Variants in GRID1 observed in about 807,000 individuals in gnomAD.
GRID1 encodes glutamate ionotropic receptor delta type subunit 1.
GRID1 carries 28 observed loss-of-function variants against 98.0 expected under a neutral mutation model. The observed-to-expected ratio is 0.29, with a 90% CI of 0.21 to 0.39. The LOEUF is 0.39. Among genes scored for constraint, GRID1 ranks in the 10% least tolerant of loss-of-function variants. GRID1 has a pLI of 1.00. For missense variants in GRID1, 1,111 were observed against 1,340.5 expected, an observed-to-expected ratio of 0.83 and a Z score of 2.67; for synonymous variants, 553 against 538.5, an observed-to-expected ratio of 1.03 and a Z score of -0.37.
intron 4 of GRID1, among the ~76,000 whole-genome samples, chr10:86,101,260 C>T (rs574430295): frequency 4.6e-5 from 7 of 152,166 alleles, no homozygotes; most frequent in African/African-American, 1.7e-4. Context: ...ATTTATCACC[C>T]TAACTAGGAC....
At position 85,756,375 on chromosome 10, in the gene GRID1, A is replaced by G. The variant is rs1842098719; in HGVS notation, c.1234-26761T>C. Reference sequence around the variant, plus strand: ...TTTCACCTTTTCACTTAAAGGAAGCACTTTATGGCCTCTCTGTGGCATATC... The same window carrying G: ...TTTCACCTTTTCACTTAAAGGAAGCGCTTTATGGCCTCTCTGTGGCATATC... On this transcript the variant is annotated intron_variant, in intron 8 of 15. Transcript: ENST00000327946. Among the ~76,000 whole-genome samples, 4 of 152,276 alleles carry G rather than the reference A, an allele frequency of 2.6e-5. No individual in the cohort carries two copies. The South Asian group carries it at 8.3e-4, about 32-fold the overall frequency.
chr10:85,802,385 T>C (rs1022487587), intron 8 of GRID1, among the ~76,000 whole-genome samples: 1 of 151,982 alleles, frequency 6.6e-6, no homozygotes, highest in Non-Finnish European at 1.5e-5. Flanking sequence ...CAACTGACCA[T>C]CACAATAAAA....
chr10:85,813,458 C>A (rs561988358), intron 8 of GRID1, among the ~76,000 whole-genome samples: 3 of 139,652 alleles, frequency 2.1e-5, no homozygotes, highest in Non-Finnish European at 1.6e-5. Flanking sequence ...AAATGTGAAA[C>A]GCTGAAAAAA....
At chr10:85,917,725 T>C (rs913263097) in intron 4 of GRID1, among the ~76,000 whole-genome samples, 1 of 152,238 alleles carries the variant, frequency 6.6e-6, no homozygotes, top group African/African-American at 2.4e-5. Context: ...TCTCTTGCAC[T>C]GGAAAGAAAA....
At chr10:86,173,067 A>C (rs1235362510) in intron 3 of GRID1, among the ~76,000 whole-genome samples, 1 of 152,192 alleles carries the variant, frequency 6.6e-6, no homozygotes, top group Non-Finnish European at 1.5e-5. Context: ...TAACAGACAG[A>C]ATATCTGTCA....
intron 12 of GRID1, among the ~76,000 whole-genome samples, chr10:85,706,136 A>C (rs1054753159): frequency 2.0e-5 from 3 of 152,290 alleles, no homozygotes; most frequent in Admixed American, 2.0e-4. Flanking sequence ...AGAAAGAAAT[A>C]AAGGGTATTA....
At chr10:85,724,753 C>G in intron 10 of GRID1, 77 bp from the exon 11 acceptor site, 1 of 1,210,558 alleles carries the variant, frequency 8.3e-7, no homozygotes, top group East Asian at 2.4e-5. Flanking sequence ...AAGGTCCACC[C>G]TCTGTCCTTT....
chr10:85,966,076 T>G (rs1317876821), intron 4 of GRID1, among the ~76,000 whole-genome samples: 1 of 152,208 alleles, frequency 6.6e-6, no homozygotes, highest in African/African-American at 2.4e-5. Context: ...TTGTCACAAT[T>G]TGACGTGTTT....
chr10:86,334,130 C>G (rs1848191290), intron 2 of GRID1, among the ~76,000 whole-genome samples: 1 of 152,112 alleles, frequency 6.6e-6, no homozygotes, highest in Admixed American at 6.5e-5. Flanking sequence ...GCCTATCCAT[C>G]TGCTTGACTA....
At chr10:85,771,962 C>T (rs1340560380) in intron 8 of GRID1, among the ~76,000 whole-genome samples, 2 of 152,112 alleles carry the variant, frequency 1.3e-5, no homozygotes, top group East Asian at 3.9e-4. Context: ...TAGCTCTGCA[C>T]CAAGTGGACC....
intron 5 of GRID1, among the ~76,000 whole-genome samples, chr10:85,899,620 A>G (rs183536543): frequency 1.6e-3 from 238 of 152,282 alleles, no homozygotes; most frequent in African/African-American, 5.6e-3. Flanking sequence ...TAAAGCATCC[A>G]AAGCAGGGCC....
intron 4 of GRID1, among the ~76,000 whole-genome samples, chr10:85,968,275 C>A (rs895280523): frequency 4.4e-3 from 1 of 226 alleles, no homozygotes; most frequent in African/African-American, 7.1e-3. Context: ...ATGGTGAAAC[C>A]CCCGTCTCTA....
intron 4 of GRID1, among the ~76,000 whole-genome samples, chr10:86,001,749 G>T (rs1295598447): frequency 6.6e-6 from 1 of 152,190 alleles, no homozygotes; most frequent in Non-Finnish European, 1.5e-5. Flanking sequence ...CTGAACAGCT[G>T]CATCGAGTGT....
intron 8 of GRID1, among the ~76,000 whole-genome samples, chr10:85,730,484 A>C (rs1303664946): frequency 2.0e-5 from 3 of 152,202 alleles, no homozygotes; most frequent in Non-Finnish European, 4.4e-5. Context: ...TCAGGGCCTG[A>C]GCATAGGAAG....
intron 5 of GRID1, among the ~76,000 whole-genome samples, chr10:85,901,486 G>C (rs1564622196): frequency 6.6e-6 from 1 of 152,072 alleles, no homozygotes. Flanking sequence ...CTGACCTCGT[G>C]ATCTGCCCGC....
intron 4 of GRID1, among the ~76,000 whole-genome samples, chr10:86,056,690 T>C (rs969177455): frequency 6.6e-6 from 1 of 152,368 alleles, no homozygotes; most frequent in East Asian, 1.9e-4. Context: ...GCTCCCTGCA[T>C]GCAGCAGACA....
chr10:85,735,552 C>A (rs1002292311), intron 8 of GRID1, among the ~76,000 whole-genome samples: 1 of 152,124 alleles, frequency 6.6e-6, no homozygotes, highest in Admixed American at 6.5e-5. Flanking sequence ...GCATTTGGGA[C>A]TCTGTGGCCC....
At chr10:85,671,023 TGTCCTATGAGGACACTG>T (rs1182219854) in intron 12 of GRID1, among the ~76,000 whole-genome samples, 4 of 152,214 alleles carry the variant, frequency 2.6e-5, no homozygotes, top group Non-Finnish European at 5.9e-5. Flanking sequence ...GACTTCCCTA[TGTCCTATGAGGACACTG>T]CCACCCTCAA....
chr10:86,270,549 G>A (rs1847169351), intron 2 of GRID1, among the ~76,000 whole-genome samples: 1 of 152,132 alleles, frequency 6.6e-6, no homozygotes, highest in South Asian at 2.1e-4. Context: ...AATTAGCCAG[G>A]TGTGGTGGTG....
Sources: gnomAD v4.1 joint callset for allele counts (sites outside exome capture counted in the v4.1 genomes callset) on GRCh38, gnomAD v4.1.1 for gene constraint, MANE v1.5 for transcripts, NCBI Gene and HGNC (gene_info 2026-07-23, HGNC 2026-07-21) for gene names.